EMB: variants seen among roughly 807,000 people sequenced by gnomAD.
The protein encoded by EMB is embigin homolog.
Under a neutral mutation model 41.4 loss-of-function variants are expected in EMB, and 31 were observed. The observed-to-expected ratio is 0.75, with a 90% confidence interval of 0.56 to 1.01. The LOEUF (loss-of-function observed/expected upper bound fraction) is 1.01. Among genes scored for constraint, EMB ranks in the 50% least tolerant of loss-of-function variants. The pLI, the probability that EMB is intolerant of heterozygous loss-of-function variation, is 0.00. For missense variants in EMB, 379 were observed against 388.3 expected, an observed-to-expected ratio of 0.98 and a Z score of 0.20; for synonymous variants, 137 against 140.4, an observed-to-expected ratio of 0.98 and a Z score of 0.17.
At position 50,429,020 on chromosome 5, in the gene EMB, C is replaced by T. The variant is rs191769381; in HGVS notation, c.113-793G>A. On this transcript the variant is annotated intron_variant, in intron 1 of 8. Coordinates refer to ENST00000303221, the MANE Select transcript of EMB (RefSeq NM_198449.3). Reference sequence around the variant, plus strand: ...AAGCAATTCTCCTGCCTCAGCCTCCCGAGTAGCTGGGACTACAGGCTCCCG... The same window carrying T: ...AAGCAATTCTCCTGCCTCAGCCTCCTGAGTAGCTGGGACTACAGGCTCCCG... 2.1e-3 allele frequency among the ~76,000 whole-genome samples: 322 copies of T among 152,146 alleles called. 3 individuals are homozygous for T. The highest frequency in any genetic ancestry group is 7.4e-3 in the African/African-American group (307 of 41,520).
At chr5:50,400,445 A>G (rs1182677946) in intron 7 of EMB, among the ~76,000 whole-genome samples, 1 of 152,002 alleles carries the variant, frequency 6.6e-6, no homozygotes, top group African/African-American at 2.4e-5. Context: ...GCAGGCGTCA[A>G]TTATCAAATC....
chr5:50,405,635 T>C, intron 5 of EMB, 90 bp downstream of exon 5: 2 of 1,463,534 alleles, frequency 1.4e-6, no homozygotes, highest in Non-Finnish European at 9.1e-7. Flanking sequence ...TAAATCATCT[T>C]AGGAATGCTG....
chr5:50,430,253 C>T (rs182918447), intron 1 of EMB, among the ~76,000 whole-genome samples: 2 of 152,214 alleles, frequency 1.3e-5, no homozygotes, highest in African/African-American at 4.8e-5. Context: ...GTGAAGCCTG[C>T]AAAACGTAAG....
At chr5:50,436,418 G>A (rs944291379) in intron 1 of EMB, among the ~76,000 whole-genome samples, 10 of 151,902 alleles carry the variant, frequency 6.6e-5, no homozygotes, top group African/African-American at 2.4e-4. Context: ...TTAATTATTT[G>A]ATCCATCACC....
At chr5:50,420,004 G>A (rs796093544) in intron 2 of EMB, among the ~76,000 whole-genome samples, 3 of 149,576 alleles carry the variant, frequency 2.0e-5, no homozygotes, top group Admixed American at 1.3e-4. Flanking sequence ...ACAGGGAGGG[G>A]AACAACACAC....
At chr5:50,407,884 T>C (rs2111784861) in intron 4 of EMB, among the ~76,000 whole-genome samples, 1 of 152,102 alleles carries the variant, frequency 6.6e-6, no homozygotes. Flanking sequence ...CCAGTGAAAG[T>C]AACAGCTCTC....
chr5:50,441,804 T>C (rs553469102), upstream of EMB, among the ~76,000 whole-genome samples: 3 of 152,310 alleles, frequency 2.0e-5, no homozygotes, highest in South Asian at 4.1e-4. Flanking sequence ...CAAGGCCCCA[T>C]ACCGTGTCTG....
rs1745109514 is a variant in EMB at position 50,398,643 on chromosome 5, G to T, written c.*630C>A. 6.6e-6 allele frequency: 1 copy of T among 152,060 alleles called. No homozygotes were observed. The highest frequency in any genetic ancestry group is 2.4e-5 in the African/African-American group (1 of 41,428). The allele number at this position is 152,060 out of a possible 1,614,324, so 9.4% of individuals were successfully genotyped here. A position where few individuals can be genotyped will look rare whatever the true frequency, so the allele number is the denominator to read the frequency against. ...AATAAAGACTGGAAAATTTGCTTTT[G>T]TAGTGCAGAGCTTTAGAGCAAGCAC... On this transcript the variant is annotated 3_prime_UTR_variant, in exon 9 of 9. Coordinates refer to ENST00000303221, the MANE Select transcript of EMB (RefSeq NM_198449.3).
At chr5:50,413,283 T>G (rs980301511) in intron 2 of EMB, among the ~76,000 whole-genome samples, 12 of 152,190 alleles carry the variant, frequency 7.9e-5, no homozygotes, top group Non-Finnish European at 1.8e-4. Context: ...ATAATGATGC[T>G]GCAACCCCTA....
intron 1 of EMB, among the ~76,000 whole-genome samples, chr5:50,438,649 G>C (rs1032724977): frequency 1.6e-4 from 24 of 152,030 alleles, no homozygotes; most frequent in South Asian, 2.1e-4. Context: ...AATATCCTTT[G>C]GCAAAGAGAA....
chr5:50,441,268 G>A lies in EMB; in HGVS notation c.-117C>T. 3.8e-6 allele frequency: 2 copies of A among 528,950 alleles called. No individual in the cohort carries two copies. The highest frequency in any genetic ancestry group is 2.9e-6 in the Non-Finnish European group (1 of 342,138). 32.8% of individuals were successfully genotyped at this position (528,950 alleles called of 1,614,324 possible). ...GCCCGGCGCTCGCAGCCAGTGCCGC[G>A]GGTAGGACGCTGAAGAAAAGGCGGA... is the stretch of plus-strand genomic sequence containing the variant. On this transcript the variant is annotated 5_prime_UTR_variant, in exon 1 of 9. Transcript: ENST00000303221.
intron 4 of EMB, among the ~76,000 whole-genome samples, chr5:50,409,137 A>C (rs1257714929): frequency 6.6e-6 from 1 of 152,142 alleles, no homozygotes; most frequent in Non-Finnish European, 1.5e-5. Context: ...CGCTGCTGAC[A>C]CCAGCCAAAA....
chr5:50,436,379 A>G (rs10060305), intron 1 of EMB, among the ~76,000 whole-genome samples: 3,529 of 152,210 alleles, frequency 0.023, 110 homozygotes, highest in African/African-American at 0.071. Context: ...CTCTAGTGAA[A>G]AACCTAGATC....
chr5:50,403,987 G>A (rs1403584095), intron 5 of EMB, among the ~76,000 whole-genome samples: 1 of 151,884 alleles, frequency 6.6e-6, no homozygotes, highest in Non-Finnish European at 1.5e-5. Flanking sequence ...GGGACCCTCT[G>A]TGAGCCTGGG....
chr5:50,429,187 C>A (rs960519890), intron 1 of EMB, among the ~76,000 whole-genome samples: 2 of 152,260 alleles, frequency 1.3e-5, no homozygotes, highest in African/African-American at 4.8e-5. Flanking sequence ...AGCCACCACA[C>A]CTGGCCAACA....
At chr5:50,443,023 C>T (rs1170707951), upstream of EMB, 1 of 151,868 alleles carries the variant, frequency 6.6e-6, no homozygotes, top group Non-Finnish European at 1.5e-5. Flanking sequence ...ATATAATTCT[C>T]ATTTTGCTAA....
chr5:50,410,005 C>T (rs575660306), intron 4 of EMB, among the ~76,000 whole-genome samples: 2 of 152,140 alleles, frequency 1.3e-5, no homozygotes, highest in African/African-American at 2.4e-5. Flanking sequence ...TAGATCATGG[C>T]AATGGTGAAG....
At chr5:50,429,193 C>T (rs1281620245) in intron 1 of EMB, among the ~76,000 whole-genome samples, 14 of 152,198 alleles carry the variant, frequency 9.2e-5, no homozygotes, top group African/African-American at 2.9e-4. Flanking sequence ...CACACCTGGC[C>T]AACAACATGG....
rs1286483681 is a variant in EMB, at chr5:50,396,265, T to C, written c.*3008A>G. On this transcript the variant is annotated 3_prime_UTR_variant, in exon 9 of 9. Transcript: ENST00000303221. Reference sequence around the variant, plus strand: ...CTGATTTGTCACAATTTAGATTCTTTTTCTAAGAATAAGCAGAAATTTACA... The same window carrying C: ...CTGATTTGTCACAATTTAGATTCTTCTTCTAAGAATAAGCAGAAATTTACA... 1 of 152,198 alleles carries C rather than the reference T, an allele frequency of 6.6e-6. No homozygotes were observed. Among genetic ancestry groups the C allele is most frequent in the Non-Finnish European group, 1.5e-5 (1 of 68,034 alleles). 9.4% of individuals were successfully genotyped at this position (152,198 alleles called of 1,614,324 possible). A position where few individuals can be genotyped will look rare whatever the true frequency, so the allele number is the denominator to read the frequency against.
Sources: gnomAD v4.1 joint callset for allele counts (sites outside exome capture counted in the v4.1 genomes callset) on GRCh38, gnomAD v4.1.1 for gene constraint, MANE v1.5 for transcripts, NCBI Gene and HGNC (gene_info 2026-07-23, HGNC 2026-07-21) for gene names.